Variants in KIFAP3 observed in about 807,000 individuals in gnomAD.
The protein encoded by KIFAP3 is kinesin associated protein 3.
Under a neutral mutation model 106.5 loss-of-function variants are expected in KIFAP3, and 68 were observed. That is an observed-to-expected ratio of 0.64 (90% CI 0.53 to 0.78). The LOEUF is 0.78. KIFAP3 is among the 30% of genes least tolerant of loss of function. The pLI is 0.00. For missense variants in KIFAP3, 780 were observed against 941.8 expected (o/e 0.83, Z 2.25); for synonymous variants, 320 against 311.5 (o/e 1.03, Z -0.29).
intron 1 of KIFAP3, among the ~76,000 whole-genome samples, chr1:170,061,367 C>T (rs1442918657): frequency 6.6e-6 from 1 of 152,182 alleles, no homozygotes; most frequent in African/African-American, 2.4e-5. Context: ...TGAACAGGCA[C>T]TTCTCAAAAG....
chr1:169,964,465 A>G (rs927337992), intron 17 of KIFAP3, among the ~76,000 whole-genome samples: 2 of 152,192 alleles, frequency 1.3e-5, no homozygotes, highest in East Asian at 1.9e-4. Context: ...GAATGAGAAT[A>G]TAACAAATAA....
chr1:169,996,732 G>C (rs1004585914), intron 10 of KIFAP3, among the ~76,000 whole-genome samples: 1 of 152,160 alleles, frequency 6.6e-6, no homozygotes, highest in East Asian at 1.9e-4. Flanking sequence ...TTAGGGCGAA[G>C]TACAGGAAGG....
chr1:170,023,325 C>G (rs988815958), intron 9 of KIFAP3, among the ~76,000 whole-genome samples: 1 of 151,986 alleles, frequency 6.6e-6, no homozygotes, highest in Non-Finnish European at 1.5e-5. Context: ...ATATCATTCA[C>G]TATAGTATTA....
At chr1:170,024,659 C>T in intron 8 of KIFAP3, 63 bp from the exon 9 acceptor site, 2 of 1,000,674 alleles carry the variant, frequency 2.0e-6, no homozygotes, top group Middle Eastern at 3.0e-4. Context: ...TTTAGAAAAT[C>T]ATTTCTACTC....
At chr1:169,994,268 T>G (rs1216130393) in intron 10 of KIFAP3, among the ~76,000 whole-genome samples, 1 of 152,158 alleles carries the variant, frequency 6.6e-6, no homozygotes. Flanking sequence ...CAGGTCTCTC[T>G]GATTCCCAAA....
intron 5 of KIFAP3, among the ~76,000 whole-genome samples, chr1:170,036,000 T>C (rs965026560): frequency 3.3e-5 from 5 of 151,988 alleles, no homozygotes; most frequent in African/African-American, 1.2e-4. Flanking sequence ...TAACACTCGT[T>C]CCATTAAAGC....
chr1:170,032,770 G>C (rs1287354358), intron 7 of KIFAP3, among the ~76,000 whole-genome samples: 1 of 151,652 alleles, frequency 6.6e-6, no homozygotes, highest in Non-Finnish European at 1.5e-5. Context: ...ATAATCTGTT[G>C]AGTCTAAGAT....
At chr1:170,016,871 C>G (rs187281868) in intron 9 of KIFAP3, among the ~76,000 whole-genome samples, 1 of 152,236 alleles carries the variant, frequency 6.6e-6, no homozygotes, top group East Asian at 1.9e-4. Context: ...ACATTTGATC[C>G]TTGAAAACAC....
At chr1:170,041,790 C>T in intron 3 of KIFAP3, 1 of 1,527,538 alleles carries the variant, frequency 6.5e-7, no homozygotes, top group African/African-American at 1.4e-5. Context: ...ATCTGTTGGC[C>T]TCCTTAAAGG....
chr1:169,991,456 T>C (rs531726241), intron 11 of KIFAP3, among the ~76,000 whole-genome samples: 6 of 152,086 alleles, frequency 3.9e-5, no homozygotes, highest in Non-Finnish European at 7.4e-5. Flanking sequence ...CCAATATTCA[T>C]GGAAATGCAA....
chr1:170,069,067 A>T (rs1671580108), intron 1 of KIFAP3: 1 of 152,024 alleles, frequency 6.6e-6, no homozygotes, highest in Non-Finnish European at 1.5e-5. Flanking sequence ...TCTTTTGATG[A>T]TTAAAAAATT....
chr1:169,993,474 T>C (rs934076555), intron 10 of KIFAP3, among the ~76,000 whole-genome samples: 3 of 151,236 alleles, frequency 2.0e-5, no homozygotes, highest in African/African-American at 7.3e-5. Context: ...TATCTGCTGA[T>C]TGATTCTGTT....
chr1:170,074,469 G>T lies in KIFAP3; in HGVS notation c.-2C>A. ...GTATCTGGCGTCCTCCCCTTGCATG[G>T]CGGCAGCGGCAGCGGCGTGGAGAGG... On this transcript the variant is annotated 5_prime_UTR_variant, in exon 1 of 20. Transcript: ENST00000361580. 1 of 1,605,468 alleles carries T rather than the reference G, an allele frequency of 6.2e-7. No individual in the cohort carries two copies. Among genetic ancestry groups the T allele is most frequent in the Non-Finnish European group, 8.5e-7 (1 of 1,173,882 alleles).
intron 10 of KIFAP3, among the ~76,000 whole-genome samples, chr1:170,014,939 G>A (rs530315598): frequency 1.3e-5 from 2 of 152,210 alleles, no homozygotes; most frequent in African/African-American, 4.8e-5. Context: ...AAGAGATGAG[G>A]AAACTGAGTA....
At chr1:169,931,899 T>G (rs1367189310) in intron 19 of KIFAP3, among the ~76,000 whole-genome samples, 1 of 152,186 alleles carries the variant, frequency 6.6e-6, no homozygotes. Context: ...CTGGTTCATT[T>G]TGAGACTCTT....
At chr1:169,942,464 A>G (rs1664179037) in intron 19 of KIFAP3, among the ~76,000 whole-genome samples, 1 of 152,220 alleles carries the variant, frequency 6.6e-6, no homozygotes, top group Non-Finnish European at 1.5e-5. Flanking sequence ...TGACTGGATA[A>G]AGTAGGTCAC....
At chr1:169,945,493 C>A (rs145071523) in intron 19 of KIFAP3, among the ~76,000 whole-genome samples, 265 of 152,314 alleles carry the variant, frequency 1.7e-3, no homozygotes, top group Middle Eastern at 6.8e-3. Flanking sequence ...GCCTCCCCAA[C>A]TGCAGCTGGC....
Position 170,024,587 on chromosome 1 carries a change from T to A in KIFAP3, c.851A>T (p.Tyr284Phe). 6.5e-7 allele frequency: 1 copy of A among 1,546,824 alleles called. No individual in the cohort carries two copies. The highest frequency in any genetic ancestry group is 8.7e-7 in the Non-Finnish European group (1 of 1,150,154). The change falls in exon 9 of 20, where the codon TAT (tyrosine) becomes TTT (phenylalanine). Residue 284 changes from tyrosine to phenylalanine, a missense_variant. Physicochemically the swap from Tyr to Phe is conservative, Grantham distance 22. Around this residue, in one of 3 missense-constraint regions of KIFAP3, gnomAD observed 588 missense variants for 678.9 expected, o/e 0.87. Coordinates refer to ENST00000361580, the MANE Select transcript of KIFAP3 (RefSeq NM_014970.4). ...KQEQLLRVAL[Y>F]LLLNLAEDTR... ...ATCCTCAGCAAGATTCAGAAGCAAA[T>A]AAAGAGCAACTAGAAAAGTAAAATA...
At position 170,051,796 on chromosome 1, in the gene KIFAP3, T is replaced by G. The variant is rs182124705; in HGVS notation, c.164+3509A>C. On this transcript the variant is annotated intron_variant, in intron 2 of 19. Transcript: ENST00000361580. ...AAGTAAAGAAGTTCTTTGAAACCAA[T>G]GAGAACAAAGAGACAACATACCAGA... is the stretch of plus-strand genomic sequence containing the variant. Among the ~76,000 whole-genome samples, 321 of 152,186 alleles carry G rather than the reference T, an allele frequency of 2.1e-3. 3 individuals carry two copies. The highest frequency in any genetic ancestry group is 0.011 in the South Asian group (51 of 4,820).
Sources: allele counts gnomAD v4.1 joint callset (sites outside exome capture counted in the v4.1 genomes callset), GRCh38; gene constraint gnomAD v4.1.1; regional missense constraint gnomAD v4.1.1; transcripts MANE v1.5; gene names NCBI Gene and HGNC (gene_info 2026-07-23, HGNC 2026-07-21).